BORCS5: variants seen among roughly 807,000 people sequenced by gnomAD.
BORCS5 encodes BLOC-1-related complex subunit 5.
A neutral mutation model predicts 22.1 loss-of-function variants in BORCS5; 17 were observed. That is an observed-to-expected ratio of 0.77 (90% CI 0.53 to 1.15). The LOEUF (loss-of-function observed/expected upper bound fraction) is 1.15. Among genes scored for constraint, BORCS5 ranks in the 50% most tolerant of loss-of-function variants. The pLI, the probability that BORCS5 is intolerant of heterozygous loss-of-function variation, is 0.00. For synonymous variants in BORCS5, 117 were observed against 99.8 expected, an observed-to-expected ratio of 1.17 and a Z score of -1.03; for missense variants, 247 against 253.2, an observed-to-expected ratio of 0.98 and a Z score of 0.17.
intron 2 of BORCS5, among the ~76,000 whole-genome samples, chr12:12,395,352 T>C (rs1032032573): frequency 8.6e-5 from 13 of 151,380 alleles, no homozygotes; most frequent in Non-Finnish European, 1.6e-4. Context: ...CACTGCAGCC[T>C]CCGCTTCCCA....
At chr12:12,456,808 C>G (rs1943005552) in intron 3 of BORCS5, among the ~76,000 whole-genome samples, 1 of 136,238 alleles carries the variant, frequency 7.3e-6, no homozygotes, top group South Asian at 2.2e-4. Context: ...TAATGTGACT[C>G]TGCTGTAAGA....
chr12:12,380,663 A>T (rs1348361133), intron 2 of BORCS5, among the ~76,000 whole-genome samples: 1 of 151,420 alleles, frequency 6.6e-6, no homozygotes, highest in Non-Finnish European at 1.5e-5. Flanking sequence ...TTGTATGGTA[A>T]CTTTGTGTTT....
At chr12:12,364,564 G>C (rs1030128835) in intron 2 of BORCS5, among the ~76,000 whole-genome samples, 2 of 151,296 alleles carry the variant, frequency 1.3e-5, no homozygotes, top group African/African-American at 2.4e-5. Flanking sequence ...ACGTGGTTCA[G>C]ACCCATGTTG....
At chr12:12,441,646 A>C (rs1284133960) in intron 3 of BORCS5, among the ~76,000 whole-genome samples, 1 of 152,160 alleles carries the variant, frequency 6.6e-6, no homozygotes, top group Non-Finnish European at 1.5e-5. Context: ...CAGCTGTCTA[A>C]ATATTGCCCC....
intron 2 of BORCS5, among the ~76,000 whole-genome samples, chr12:12,371,286 T>C (rs1171707029): frequency 1.3e-5 from 2 of 152,102 alleles, no homozygotes; most frequent in Non-Finnish European, 2.9e-5. Flanking sequence ...CACCTATGTT[T>C]ATTTTTTATA....
chr12:12,364,284 A>G (rs1023244648), intron 2 of BORCS5, among the ~76,000 whole-genome samples: 3 of 151,792 alleles, frequency 2.0e-5, no homozygotes, highest in African/African-American at 7.3e-5. Flanking sequence ...GCTGAGGCAC[A>G]AGAATCGCTT....
chr12:12,428,472 G>C (rs941576582), intron 2 of BORCS5, among the ~76,000 whole-genome samples: 2 of 152,206 alleles, frequency 1.3e-5, no homozygotes, highest in African/African-American at 4.8e-5. Context: ...AATATCTCCA[G>C]TATTTACCAT....
chr12:12,459,556 C>T (rs1271528116), intron 3 of BORCS5, among the ~76,000 whole-genome samples: 4 of 152,198 alleles, frequency 2.6e-5, no homozygotes, highest in South Asian at 4.2e-4. Context: ...ATGATCCACC[C>T]GTCTCAGCCT....
chr12:12,468,240 T>G lies in BORCS5; in HGVS notation c.*2464T>G, dbSNP rs993299433. 3.5e-4 allele frequency: 53 copies of G among 152,348 alleles called. No individual in the cohort carries two copies. Among genetic ancestry groups the G allele is most frequent in the African/African-American group, 1.0e-3 (42 of 41,586 alleles). The allele number at this position is 152,348 out of a possible 1,614,324, so 9.4% of individuals were successfully genotyped here. On this transcript the variant is annotated 3_prime_UTR_variant, in exon 4 of 4. Transcript: ENST00000314565. ...ATCATTCCTAGTGGTTCTTTTCTGA[T>G]GGAACCTCTGACTGGTAACATGGCA...
intron 3 of BORCS5, among the ~76,000 whole-genome samples, chr12:12,462,762 T>G (rs1295452311): frequency 6.6e-6 from 1 of 152,150 alleles, no homozygotes; most frequent in African/African-American, 2.4e-5. Flanking sequence ...GTTCAAACGA[T>G]TCTCCTGCCT....
In BORCS5 at chr12:12,435,708, C is replaced by T. The variant is rs903084658; in HGVS notation, c.283C>T (p.Arg95Ter). 25 of 1,613,834 alleles carry T rather than the reference C, an allele frequency of 1.5e-5. No individual in the cohort carries two copies. Among genetic ancestry groups the T allele is most frequent in the South Asian group, 4.4e-5 (4 of 91,056 alleles). ...TCAGCAGGTGTTGCAGCTCTGCCTC[C>T]GATATCAAGATCACCTGCATCAGTG... ...DSQQVLQLCL[R>*]YQDHLHQCAE... The change falls in exon 3 of 4, where the codon CGA (arginine) becomes TGA (stop). Residue 95 changes from arginine (R) to a stop codon, truncating the protein, a stop_gained. Coordinates refer to ENST00000314565, the MANE Select transcript of BORCS5 (RefSeq NM_058169.6). LOFTEE classifies it high-confidence loss of function.
chr12:12,406,316 G>GT (rs1158408504), intron 2 of BORCS5, among the ~76,000 whole-genome samples: 1 of 152,186 alleles, frequency 6.6e-6, no homozygotes, highest in Non-Finnish European at 1.5e-5. Context: ...GGAAAAGTTA[G>GT]TTTTTTCTGA....
At chr12:12,400,150 G>A (rs75265307) in intron 2 of BORCS5, among the ~76,000 whole-genome samples, 4,022 of 152,222 alleles carry the variant, frequency 0.026, 75 homozygotes, top group Middle Eastern at 0.054. Context: ...CTTTTAAGTT[G>A]GTTTGAAAAC....
chr12:12,383,159 G>A (rs1461593651), intron 2 of BORCS5, among the ~76,000 whole-genome samples: 2 of 149,916 alleles, frequency 1.3e-5, no homozygotes, highest in African/African-American at 2.5e-5. Flanking sequence ...ATTTTTTGGA[G>A]TTGTTTTCTT....
chr12:12,447,580 A>G (rs538290241), intron 3 of BORCS5, among the ~76,000 whole-genome samples: 8 of 152,226 alleles, frequency 5.3e-5, no homozygotes, highest in African/African-American at 1.4e-4. Flanking sequence ...TCATTAGACC[A>G]ATATCATCAT....
At chr12:12,409,160 G>C (rs1450767194) in intron 2 of BORCS5, among the ~76,000 whole-genome samples, 1 of 151,074 alleles carries the variant, frequency 6.6e-6, no homozygotes, top group African/African-American at 2.4e-5. Context: ...TTTTAGTTTT[G>C]AATTGCCCTT....
intron 2 of BORCS5, among the ~76,000 whole-genome samples, chr12:12,389,571 C>T (rs1374202336): frequency 1.3e-5 from 2 of 152,152 alleles, no homozygotes; most frequent in Non-Finnish European, 2.9e-5. Flanking sequence ...ACAACCAATT[C>T]TGATGCAGGT....
intron 3 of BORCS5, among the ~76,000 whole-genome samples, chr12:12,445,526 T>C (rs974470185): frequency 2.0e-5 from 2 of 101,144 alleles, no homozygotes; most frequent in African/African-American, 4.1e-5. Flanking sequence ...CAATTTGAAA[T>C]ACCTTTTTTT....
intron 2 of BORCS5, among the ~76,000 whole-genome samples, chr12:12,415,375 C>T (rs1427892314): frequency 4.0e-5 from 6 of 151,278 alleles, no homozygotes; most frequent in African/African-American, 7.3e-5. Context: ...AGCAAAACCC[C>T]GTCTCCACCA....
Sources: gnomAD v4.1 joint callset for allele counts (sites outside exome capture counted in the v4.1 genomes callset) on GRCh38, gnomAD v4.1.1 for gene constraint, MANE v1.5 for transcripts, NCBI Gene and HGNC (gene_info 2026-07-23, HGNC 2026-07-21) for gene names.